HERC4: variants seen among roughly 807,000 people sequenced by gnomAD.
The protein encoded by HERC4 is HECT and RLD domain containing E3 ubiquitin protein ligase 4, also known as probable E3 ubiquitin-protein ligase HERC4.
In HERC4, 28 loss-of-function variants were observed where a neutral mutation model predicts 124.3. That is an observed-to-expected ratio of 0.23 (90% CI 0.17 to 0.31). The LOEUF is 0.31. Ranked by LOEUF, HERC4 falls within the 10% of genes least tolerant of loss-of-function variation. The probability of loss-of-function intolerance (pLI) is 1.00; values close to 1 mark genes in which losing one functional copy is unlikely to be tolerated. For synonymous variants in HERC4, 407 were observed against 421.5 expected, an observed-to-expected ratio of 0.97 and a Z score of 0.42; for missense variants, 713 against 1,229.3, an observed-to-expected ratio of 0.58 and a Z score of 6.28.
In HERC4 at chr10:67,934,891, T is replaced by C. The variant is rs180932602; in HGVS notation, c.2654+1262A>G. Among the ~76,000 whole-genome samples, 60 of 152,042 alleles carry C rather than the reference T, an allele frequency of 3.9e-4. 1 individual carries two copies. Among genetic ancestry groups the C allele is most frequent in the Admixed American group, 2.4e-3 (37 of 15,278 alleles). On this transcript the variant is annotated intron_variant, in intron 22 of 24. Coordinates refer to ENST00000373700, the MANE Select transcript of HERC4 (RefSeq NM_015601.4). Reference sequence around the variant, plus strand: ...TGCTTTCAATCTTGAAAAGATGTCATTCGTTTCTGGGAAGTTTTTTTTTTT... The same window carrying C: ...TGCTTTCAATCTTGAAAAGATGTCACTCGTTTCTGGGAAGTTTTTTTTTTT...
chr10:67,995,067 G>A (rs2036785084), intron 9 of HERC4: 1 of 312,946 alleles, frequency 3.2e-6, no homozygotes, highest in African/African-American at 2.2e-5. Context: ...ATGCAGACTG[G>A]ATTTTGCTGA....
chr10:68,035,214 G>A (rs1044213726), intron 5 of HERC4, among the ~76,000 whole-genome samples: 10 of 150,330 alleles, frequency 6.7e-5, no homozygotes, highest in South Asian at 2.1e-4. Context: ...GTGCAGTGGC[G>A]CAATCTTCAC....
Position 68,039,591 on chromosome 10 carries a change from A to G in HERC4, c.387-1422T>C, listed in dbSNP as rs1168501880. 37 of 1,497,282 alleles carry G rather than the reference A, an allele frequency of 2.5e-5. No individual in the cohort carries two copies. The East Asian group carries it at 8.7e-4, about 35-fold the overall frequency. 92.7% of individuals were successfully genotyped at this position (1,497,282 alleles called of 1,614,324 possible). On this transcript the variant is annotated intron_variant, in intron 4 of 24. Transcript: ENST00000373700. ...TTAGTGAAGTTATGCTCTTAACTAC[A>G]AAACCTGAGAGCTGTACTGCTACAA...
intron 9 of HERC4, among the ~76,000 whole-genome samples, chr10:68,012,404 A>C (rs1343059070): frequency 1.3e-5 from 2 of 152,192 alleles, no homozygotes; most frequent in Non-Finnish European, 2.9e-5. Flanking sequence ...ATGTGATTTA[A>C]AGTGAGAGAT....
At chr10:67,992,579 T>C (rs2036610673) in intron 10 of HERC4, 27 bp downstream of exon 10, 2 of 1,284,550 alleles carry the variant, frequency 1.6e-6, no homozygotes, top group Admixed American at 2.2e-5. Context: ...TGGAGCTATT[T>C]AATTATTTAC....
At chr10:67,939,542 A>G in intron 21 of HERC4, 46 bp downstream of exon 21, 1 of 1,299,902 alleles carries the variant, frequency 7.7e-7, no homozygotes, top group Non-Finnish European at 1.1e-6. Context: ...CTGTTAAATA[A>G]AAGAGATGAT....
intron 3 of HERC4, among the ~76,000 whole-genome samples, chr10:68,046,735 G>A (rs768876860): frequency 1.3e-5 from 2 of 152,216 alleles, no homozygotes; most frequent in Admixed American, 6.5e-5. Flanking sequence ...CAGAAGCCAA[G>A]GTGGGAGGAT....
At chr10:68,044,608 C>A (rs1325362064) in intron 3 of HERC4, 45 bp from the exon 4 acceptor site, 3 of 1,558,992 alleles carry the variant, frequency 1.9e-6, no homozygotes, top group Admixed American at 3.7e-5. Flanking sequence ...GTACAGAAAT[C>A]AAGGAAAAAG....
At chr10:67,961,673 C>T (rs992704913) in intron 16 of HERC4, among the ~76,000 whole-genome samples, 5 of 152,116 alleles carry the variant, frequency 3.3e-5, no homozygotes, top group Non-Finnish European at 5.9e-5. Flanking sequence ...CTTGTGTAAA[C>T]TGTTCTCTTT....
intron 15 of HERC4, 80 bp downstream of exon 15, chr10:67,988,583 T>C (rs1399478017): frequency 3.2e-6 from 3 of 934,674 alleles, no homozygotes; most frequent in East Asian, 2.8e-5. Context: ...AAATCTTTAA[T>C]AGATTAATGT....
At chr10:67,941,348 G>A (rs1449611105) in intron 19 of HERC4, among the ~76,000 whole-genome samples, 6 of 149,718 alleles carry the variant, frequency 4.0e-5, no homozygotes, top group Admixed American at 2.7e-4. Flanking sequence ...CTATACATAC[G>A]ACTTTACAAC....
At chr10:68,022,356 G>A (rs892339016) in intron 8 of HERC4, among the ~76,000 whole-genome samples, 3 of 151,956 alleles carry the variant, frequency 2.0e-5, no homozygotes, top group Non-Finnish European at 2.9e-5. Flanking sequence ...AAAATTAGTC[G>A]GGCAAGGTGG....
chr10:68,017,956 T>A (rs1383472592), intron 8 of HERC4, among the ~76,000 whole-genome samples: 1 of 152,228 alleles, frequency 6.6e-6, no homozygotes, highest in African/African-American at 2.4e-5. Context: ...ATGGTTTTAA[T>A]GACAAGTTGT....
At chr10:67,926,855 T>C (rs2031038753) in intron 23 of HERC4, among the ~76,000 whole-genome samples, 1 of 152,242 alleles carries the variant, frequency 6.6e-6, no homozygotes, top group Non-Finnish European at 1.5e-5. Flanking sequence ...ACTGTATTAA[T>C]TAAAACTGTG....
intron 21 of HERC4, among the ~76,000 whole-genome samples, chr10:67,938,334 G>A (rs575241145): frequency 6.6e-6 from 1 of 150,860 alleles, no homozygotes; most frequent in South Asian, 2.1e-4. Flanking sequence ...CCAGCTACTC[G>A]GGAGGCTGAG....
chr10:67,983,229 G>A (rs2036044071), intron 15 of HERC4, among the ~76,000 whole-genome samples: 1 of 152,166 alleles, frequency 6.6e-6, no homozygotes, highest in South Asian at 2.1e-4. Flanking sequence ...ACAAATGCTG[G>A]CAAGGATGTG....
At chr10:67,983,086 A>AAC (rs1554811328) in intron 15 of HERC4, among the ~76,000 whole-genome samples, 1 of 151,722 alleles carries the variant, frequency 6.6e-6, no homozygotes, top group Non-Finnish European at 1.5e-5. Context: ...AAAAAAAAAA[A>AAC]AAAACAAAAC....
intron 3 of HERC4, among the ~76,000 whole-genome samples, chr10:68,058,830 C>G (rs1274841137): frequency 6.7e-6 from 1 of 150,070 alleles, no homozygotes; most frequent in Non-Finnish European, 1.5e-5. Flanking sequence ...TGTAAGCACT[C>G]TAATTCCAAA....
chr10:68,045,367 A>G (rs2039969135), intron 3 of HERC4, among the ~76,000 whole-genome samples: 1 of 152,222 alleles, frequency 6.6e-6, no homozygotes, highest in Non-Finnish European at 1.5e-5. Flanking sequence ...CTGAATTAGC[A>G]ATTTCTGAAT....
Sources: allele counts gnomAD v4.1 joint callset (sites outside exome capture counted in the v4.1 genomes callset), GRCh38; gene constraint gnomAD v4.1.1; transcripts MANE v1.5; gene names NCBI Gene and HGNC (gene_info 2026-07-23, HGNC 2026-07-21).